Variants in ACTA2 observed in about 807,000 individuals in gnomAD.
ACTA2 encodes the protein actin alpha 2, smooth muscle.
Under a neutral mutation model 39.5 loss-of-function variants are expected in ACTA2, and 12 were observed. That is an observed-to-expected ratio of 0.30 (90% confidence interval 0.19 to 0.49). The LOEUF (loss-of-function observed/expected upper bound fraction) is 0.49. ACTA2 is among the 20% of genes least tolerant of loss of function. ACTA2 has a pLI of 0.99. For missense variants in ACTA2, 236 were observed against 498.8 expected, an observed-to-expected ratio of 0.47 and a Z score of 5.02; for synonymous variants, 158 against 180.6, an observed-to-expected ratio of 0.88 and a Z score of 1.00.
intron 1 of ACTA2, among the ~76,000 whole-genome samples, chr10:88,962,270 G>A (rs1233784040): frequency 6.6e-6 from 1 of 152,142 alleles, no homozygotes; most frequent in African/African-American, 2.4e-5. Flanking sequence ...AAGGACAACA[G>A]GCTAAATCAA....
chr10:88,961,974 A>G (rs1429913268), intron 1 of ACTA2, among the ~76,000 whole-genome samples: 1 of 152,102 alleles, frequency 6.6e-6, no homozygotes, highest in East Asian at 1.9e-4. Context: ...CCTTTATATG[A>G]TATTTTTGCC....
chr10:88,962,911 CCATATA>C (rs1846250720), intron 1 of ACTA2, among the ~76,000 whole-genome samples: 8 of 46,582 alleles, frequency 1.7e-4, no homozygotes, highest in South Asian at 7.8e-4. Context: ...GGGGAATGCC[CCATATA>C]TATATATATA....
At chr10:88,935,771 A>T (rs1420556781) in intron 8 of ACTA2, among the ~76,000 whole-genome samples, 1 of 152,208 alleles carries the variant, frequency 6.6e-6, no homozygotes. Context: ...AGAAGTTTTA[A>T]TTGTGCTAGG....
At chr10:88,937,289 C>G (rs142446355) in intron 8 of ACTA2, among the ~76,000 whole-genome samples, 13 of 152,280 alleles carry the variant, frequency 8.5e-5, no homozygotes, top group African/African-American at 3.1e-4. Context: ...TGTTTAAATA[C>G]CCACGTGTGT....
At chr10:88,951,964 C>A (rs894534805) in intron 1 of ACTA2, among the ~76,000 whole-genome samples, 1 of 152,188 alleles carries the variant, frequency 6.6e-6, no homozygotes, top group Non-Finnish European at 1.5e-5. Context: ...CCTCACCAGG[C>A]TGAAGGGAGC....
chr10:88,940,825 A>G (rs1349206751), intron 6 of ACTA2: 1 of 302,810 alleles, frequency 3.3e-6, no homozygotes, highest in Non-Finnish European at 6.6e-6. Context: ...ACAAATAAAG[A>G]GACTATGGTT....
intron 1 of ACTA2, chr10:88,989,630 G>A (rs1196136692): frequency 3.8e-6 from 2 of 522,082 alleles, no homozygotes; most frequent in Non-Finnish European, 7.6e-6. Flanking sequence ...GCCCTCAGGA[G>A]GGTAACCTAA....
upstream of ACTA2, among the ~76,000 whole-genome samples, chr10:88,956,844 G>A (rs1011159038): frequency 1.3e-5 from 2 of 152,234 alleles, no homozygotes; most frequent in Non-Finnish European, 2.9e-5. Context: ...ATTTCTGGAA[G>A]CCAGGAAGTC....
At chr10:88,936,361 G>T (rs1482097912) in intron 8 of ACTA2, among the ~76,000 whole-genome samples, 1 of 152,158 alleles carries the variant, frequency 6.6e-6, no homozygotes, top group East Asian at 1.9e-4. Context: ...AAGTTGTAAA[G>T]AATTTAGTAT....
chr10:88,989,506 G>T (rs1847040239), intron 1 of ACTA2: 1 of 544,362 alleles, frequency 1.8e-6, no homozygotes, highest in Non-Finnish European at 3.6e-6. Flanking sequence ...CACGCCCAGG[G>T]TCTTCCTCAT....
intron 1 of ACTA2, among the ~76,000 whole-genome samples, chr10:88,981,427 C>T (rs192509435): frequency 5.9e-4 from 90 of 151,352 alleles, no homozygotes; most frequent in Non-Finnish European, 9.4e-4. Flanking sequence ...CTTCCATCGT[C>T]GTGATTTATA....
At chr10:88,945,877 G>C (rs1845937682) in intron 3 of ACTA2, among the ~76,000 whole-genome samples, 1 of 152,112 alleles carries the variant, frequency 6.6e-6, no homozygotes, top group South Asian at 2.1e-4. Context: ...AGCCCCTTTA[G>C]CTATATTGCA....
intron 8 of ACTA2, among the ~76,000 whole-genome samples, chr10:88,937,371 T>G (rs945250408): frequency 6.6e-6 from 1 of 152,182 alleles, no homozygotes; most frequent in Non-Finnish European, 1.5e-5. Flanking sequence ...CCTTCTGACT[T>G]CAGAGAGTGA....
At chr10:88,939,766 C>T in intron 6 of ACTA2, 68 bp from the exon 7 acceptor site, 3 of 1,502,830 alleles carry the variant, frequency 2.0e-6, no homozygotes, top group East Asian at 2.3e-5. Flanking sequence ...TTCACCTGCC[C>T]TACTGCAGTC....
At chr10:88,985,111 A>G (rs773377323) in intron 1 of ACTA2, among the ~76,000 whole-genome samples, 5 of 152,220 alleles carry the variant, frequency 3.3e-5, no homozygotes, top group African/African-American at 7.2e-5. Context: ...AAATAAAATA[A>G]CAAAATCCAA....
intron 8 of ACTA2, among the ~76,000 whole-genome samples, chr10:88,936,179 A>G (rs1421867869): frequency 6.6e-6 from 1 of 152,166 alleles, no homozygotes; most frequent in Non-Finnish European, 1.5e-5. Context: ...TTACTCCCAT[A>G]TTACATATGA....
intron 4 of ACTA2, among the ~76,000 whole-genome samples, chr10:88,942,251 C>T (rs757862526): frequency 6.6e-6 from 1 of 152,110 alleles, no homozygotes; most frequent in Non-Finnish European, 1.5e-5. Flanking sequence ...TGAGATCTCC[C>T]ATTTTTCCAG....
Position 88,935,123 on chromosome 10 carries a change from C to G in ACTA2, c.*100G>C. Reference sequence around the variant, plus strand: ...ATTAAAAAACACATAGGTAACGAGTCAGAGCTTTGGCTAGGAATGATTTGG... The same window carrying G: ...ATTAAAAAACACATAGGTAACGAGTGAGAGCTTTGGCTAGGAATGATTTGG... On this transcript the variant is annotated 3_prime_UTR_variant, in exon 9 of 9. Transcript: ENST00000224784. The G allele has an allele frequency of 1.9e-6, 3 of 1,541,058 alleles. No homozygotes were observed. The highest frequency in any genetic ancestry group is 2.7e-6 in the Non-Finnish European group (3 of 1,121,074).
intron 1 of ACTA2, among the ~76,000 whole-genome samples, chr10:88,958,718 G>T (rs763543555): frequency 1.8e-4 from 27 of 152,316 alleles, no homozygotes; most frequent in South Asian, 4.1e-4. Flanking sequence ...AGTGAACCCA[G>T]TATTAGCTCT....
Sources: allele counts gnomAD v4.1 joint callset (sites outside exome capture counted in the v4.1 genomes callset), GRCh38; gene constraint gnomAD v4.1.1; transcripts MANE v1.5; gene names NCBI Gene and HGNC (gene_info 2026-07-23, HGNC 2026-07-21).